MAP3K7: variants seen among roughly 807,000 people sequenced by gnomAD.
MAP3K7 encodes TGF-beta activated kinase 1.
Under a neutral mutation model 84.8 loss-of-function variants are expected in MAP3K7, and 21 were observed. That is an observed-to-expected ratio of 0.25 (90% confidence interval 0.18 to 0.36). The LOEUF (loss-of-function observed/expected upper bound fraction) is 0.36. Among genes scored for constraint, MAP3K7 ranks in the 10% least tolerant of loss-of-function variants. The pLI, the probability that MAP3K7 is intolerant of heterozygous loss-of-function variation, is 1.00. For missense variants in MAP3K7, 503 were observed against 747.7 expected (o/e 0.67, Z 3.82); for synonymous variants, 241 against 247.7 (o/e 0.97, Z 0.25).
At chr6:90,535,644 CT>C (rs552354562) in intron 13 of MAP3K7, among the ~76,000 whole-genome samples, 239 of 152,132 alleles carry the variant, frequency 1.6e-3, no homozygotes, top group Middle Eastern at 3.4e-3. Flanking sequence ...GACTGAGCTA[CT>C]TTTATATACC....
At chr6:90,580,545 T>A (rs926274970) in intron 1 of MAP3K7, among the ~76,000 whole-genome samples, 1 of 152,224 alleles carries the variant, frequency 6.6e-6, no homozygotes, top group Non-Finnish European at 1.5e-5. Context: ...CGTCTCAAAC[T>A]CCTGGCCTCA....
At chr6:90,574,625 CCTT>C (rs1777012037) in intron 1 of MAP3K7, among the ~76,000 whole-genome samples, 1 of 152,128 alleles carries the variant, frequency 6.6e-6, no homozygotes. Context: ...CTAGGAATCC[CCTT>C]CTTTCATTTC....
intron 6 of MAP3K7, among the ~76,000 whole-genome samples, chr6:90,556,118 G>A (rs1382034023): frequency 1.3e-5 from 2 of 152,346 alleles, no homozygotes; most frequent in Non-Finnish European, 2.9e-5. Flanking sequence ...GGAAGCATGC[G>A]TTAGATGACT....
At chr6:90,572,547 C>G (rs1290506406) in intron 1 of MAP3K7, among the ~76,000 whole-genome samples, 1 of 150,984 alleles carries the variant, frequency 6.6e-6, no homozygotes, top group African/African-American at 2.4e-5. Context: ...TAGCTGGTAT[C>G]CTGACAAAGT....
At chr6:90,545,786 A>G (rs536817755) in intron 11 of MAP3K7, among the ~76,000 whole-genome samples, 3 of 152,296 alleles carry the variant, frequency 2.0e-5, no homozygotes, top group East Asian at 1.9e-4. Flanking sequence ...GTCATCAGAT[A>G]AAAGAGGGCA....
At chr6:90,550,083 T>C (rs954913840) in intron 9 of MAP3K7, among the ~76,000 whole-genome samples, 7 of 152,270 alleles carry the variant, frequency 4.6e-5, no homozygotes, top group Non-Finnish European at 7.4e-5. Flanking sequence ...AGAGCCTCTG[T>C]AGAAGAGAAC....
chr6:90,570,515 AG>A (rs749762660), intron 2 of MAP3K7, among the ~76,000 whole-genome samples: 23 of 152,166 alleles, frequency 1.5e-4, no homozygotes, highest in South Asian at 4.1e-4. Context: ...TCTTTAGAGA[AG>A]GGGTAATAAA....
intron 3 of MAP3K7, among the ~76,000 whole-genome samples, chr6:90,564,936 C>T (rs1776652509): frequency 6.6e-6 from 1 of 152,132 alleles, no homozygotes; most frequent in Admixed American, 6.5e-5. Context: ...CACTCAACTA[C>T]ATGGAAACTG....
At chr6:90,547,591 G>C (rs1161599088) in intron 10 of MAP3K7, among the ~76,000 whole-genome samples, 1 of 152,172 alleles carries the variant, frequency 6.6e-6, no homozygotes, top group East Asian at 1.9e-4. Flanking sequence ...GCAGTCACTA[G>C]AACTGGGAGC....
At chr6:90,564,269 C>T (rs564002819) in intron 3 of MAP3K7, among the ~76,000 whole-genome samples, 154 of 152,306 alleles carry the variant, frequency 1.0e-3, no homozygotes, top group Non-Finnish European at 1.7e-3. Context: ...AAGACACAGA[C>T]TGGCAAATTG....
chr6:90,552,386 C>G (rs1159049720), intron 7 of MAP3K7, among the ~76,000 whole-genome samples: 1 of 152,104 alleles, frequency 6.6e-6, no homozygotes, highest in Non-Finnish European at 1.5e-5. Flanking sequence ...CAATTATTTA[C>G]TGACAACTGA....
chr6:90,570,726 T>A (rs1479122304), intron 2 of MAP3K7, among the ~76,000 whole-genome samples: 1 of 152,212 alleles, frequency 6.6e-6, no homozygotes, highest in East Asian at 1.9e-4. Context: ...TTACGATCTT[T>A]TTGACTTGTG....
chr6:90,545,288 T>C (rs556811072), intron 11 of MAP3K7, among the ~76,000 whole-genome samples: 2 of 152,074 alleles, frequency 1.3e-5, no homozygotes, highest in East Asian at 3.9e-4. Flanking sequence ...CATGAAAAAA[T>C]TTAAATTGTG....
intron 12 of MAP3K7, among the ~76,000 whole-genome samples, chr6:90,537,875 A>C (rs1273035923): frequency 6.6e-6 from 1 of 151,966 alleles, no homozygotes; most frequent in Admixed American, 6.6e-5. Flanking sequence ...CAGGCTTGTA[A>C]AAGTGTCTGG....
In MAP3K7 at chr6:90,518,560, A is replaced by C; in HGVS notation, c.1527T>G (p.Pro509=). Residue 509 remains proline (P), a splice_region_variant and synonymous_variant, in exon 16 of 17, where the codon CCT becomes CCG. Transcript: ENST00000369329. ...CTTTGGAGTTTGGGCACGGTGCTAG[A>C]GGCTGAAAATAATCAGGAATGTTAA... The part of the protein sequence containing the change: ...AYLTLDHQLQ[P]LAPCPNSKES... 6.5e-7 allele frequency: 1 copy of C among 1,528,682 alleles called. No individual in the cohort carries two copies. The highest frequency in any genetic ancestry group is 9.0e-7 in the Non-Finnish European group (1 of 1,105,260). The allele number at this position is 1,528,682 out of a possible 1,614,324, so 94.7% of individuals were successfully genotyped here.
chr6:90,550,553 T>C lies in MAP3K7; in HGVS notation c.868-4A>G, dbSNP rs979008799. 1.3e-6 allele frequency: 2 copies of C among 1,585,456 alleles called. No individual in the cohort carries two copies. The highest frequency in any genetic ancestry group is 1.4e-5 in the African/African-American group (1 of 73,984). Reference sequence around the variant, plus strand: ...GCTCATCTGCTCCTGGAAAGTACTATATATAAAAAAGTAAACCACAGCTTA... The same window carrying C: ...GCTCATCTGCTCCTGGAAAGTACTACATATAAAAAAGTAAACCACAGCTTA... On this transcript the variant is annotated splice_region_variant and splice_polypyrimidine_tract_variant and intron_variant, in intron 8 of 16. Coordinates refer to ENST00000369329, the MANE Select transcript of MAP3K7 (RefSeq NM_145331.3).
chr6:90,570,061 A>G (rs771395668), intron 2 of MAP3K7, among the ~76,000 whole-genome samples: 7 of 152,170 alleles, frequency 4.6e-5, no homozygotes, highest in African/African-American at 7.2e-5. Flanking sequence ...TATATTTACT[A>G]TATTTCATCT....
At chr6:90,518,290 G>A (rs997195584) in intron 16 of MAP3K7, among the ~76,000 whole-genome samples, 157 bp downstream of exon 16, 2 of 151,658 alleles carry the variant, frequency 1.3e-5, no homozygotes, top group Non-Finnish European at 1.5e-5. Flanking sequence ...ATTGAGTTTT[G>A]CATAAAAAAT....
intron 13 of MAP3K7, among the ~76,000 whole-genome samples, chr6:90,525,718 C>G (rs1037608217): frequency 6.6e-6 from 1 of 151,236 alleles, no homozygotes; most frequent in Non-Finnish European, 1.5e-5. Context: ...CAGGCACACA[C>G]AACTATGCCC....
Sources: allele counts gnomAD v4.1 joint callset (sites outside exome capture counted in the v4.1 genomes callset), GRCh38; gene constraint gnomAD v4.1.1; transcripts MANE v1.5; gene names NCBI Gene and HGNC (gene_info 2026-07-23, HGNC 2026-07-21).